RANBP2: variants seen among roughly 807,000 people sequenced by gnomAD.
RANBP2 encodes the protein RAN binding protein 2.
In RANBP2, 57 loss-of-function variants were observed where a neutral mutation model predicts 303.6. The observed-to-expected ratio is 0.19, with a 90% CI of 0.15 to 0.23. The LOEUF (loss-of-function observed/expected upper bound fraction) is 0.23. Ranked by LOEUF, RANBP2 falls within the 10% of genes least tolerant of loss-of-function variation. The pLI is 1.00. For synonymous variants in RANBP2, 1,167 were observed against 1,301.5 expected (o/e 0.90, Z 2.23); for missense variants, 3,138 against 3,780.8 (o/e 0.83, Z 4.46).
At chr2:108,871,088 C>T in the RANBP2 span, among the ~76,000 whole-genome samples, 3 of 151,918 alleles carry the variant, frequency 2.0e-5, no homozygotes, top group East Asian at 1.9e-4. Context: ...ATTTTAGACA[C>T]GTTCCTATGG....
chr2:108,809,330 AT>A, the RANBP2 span, among the ~76,000 whole-genome samples: 1 of 151,902 alleles, frequency 6.6e-6, no homozygotes, highest in South Asian at 2.1e-4. Flanking sequence ...ACAGTTTAGA[AT>A]TTTTTTCTAT....
chr2:108,875,690 T>C, the RANBP2 span, among the ~76,000 whole-genome samples: 9,372 of 152,068 alleles, frequency 0.062, 355 homozygotes, highest in South Asian at 0.15. Flanking sequence ...ACACCCTGTC[T>C]CTACAAAAAA....
At chr2:108,811,201 TCCCTTGCTA>T in the RANBP2 span, among the ~76,000 whole-genome samples, 1 of 149,258 alleles carries the variant, frequency 6.7e-6, no homozygotes, top group African/African-American at 2.5e-5. Flanking sequence ...TTCCCTTCCT[TCCCTTGCTA>T]CTATTTCTTC....
the RANBP2 span, among the ~76,000 whole-genome samples, chr2:109,452,369 G>T: frequency 6.6e-6 from 1 of 152,170 alleles, no homozygotes; most frequent in East Asian, 1.9e-4. Context: ...TATGGCAAAG[G>T]TTTTTTAAAG....
In RANBP2 at chr2:108,743,747, A is replaced by ACCC. The variant is rs1241457693; in HGVS notation, c.976-2964_976-2963insCCC. ...TGCTTTTAAAAAATATTGTGCCTCA[A>ACCC]TGTGGGTGTGCTTTACCTATTGCCA... On this transcript the variant is annotated intron_variant, in intron 7 of 28. Coordinates refer to ENST00000283195, the MANE Select transcript of RANBP2 (RefSeq NM_006267.5). 1.8e-4 allele frequency among the ~76,000 whole-genome samples: 27 copies of ACCC among 152,220 alleles called. No homozygotes were observed. In the South Asian group the frequency reaches 1.9e-3, roughly 10 times the overall value.
At chr2:109,733,239 G>A in the RANBP2 span, 1 of 331,402 alleles carries the variant, frequency 3.0e-6, no homozygotes, top group Non-Finnish European at 6.0e-6. Context: ...ACAATCGAAT[G>A]GAATTTTACC....
the RANBP2 span, among the ~76,000 whole-genome samples, chr2:109,401,721 C>T: frequency 2.0e-5 from 3 of 152,208 alleles, no homozygotes; most frequent in African/African-American, 7.2e-5. Flanking sequence ...GTACAGGATC[C>T]GGTTTCCTCT....
chr2:109,610,763 A>C, the RANBP2 span, among the ~76,000 whole-genome samples: 1 of 152,198 alleles, frequency 6.6e-6, no homozygotes, highest in Non-Finnish European at 1.5e-5. Flanking sequence ...CATGAGTTAG[A>C]AGACTCAACA....
At chr2:109,568,377 T>TC in the RANBP2 span, among the ~76,000 whole-genome samples, 1 of 150,284 alleles carries the variant, frequency 6.7e-6, no homozygotes, top group Non-Finnish European at 1.5e-5. Context: ...CACAATCTTT[T>TC]TTTTTTTTTT....
At chr2:109,398,134 C>T in the RANBP2 span, among the ~76,000 whole-genome samples, 6,968 of 152,284 alleles carry the variant, frequency 0.046, 527 homozygotes, top group African/African-American at 0.16. Context: ...ATTCCAGTCA[C>T]ATGCTTTGAA....
At chr2:109,520,787 C>T in the RANBP2 span, among the ~76,000 whole-genome samples, 8 of 137,408 alleles carry the variant, frequency 5.8e-5, no homozygotes, top group Non-Finnish European at 8.3e-5. Flanking sequence ...AAAAATTAGC[C>T]GGGCGTGGTG....
chr2:109,073,118 A>T, the RANBP2 span, among the ~76,000 whole-genome samples: 944 of 152,340 alleles, frequency 6.2e-3, 14 homozygotes, highest in African/African-American at 0.022. Context: ...GATTTACCAG[A>T]CAAAAAATCA....
At chr2:109,112,997 C>T in the RANBP2 span, among the ~76,000 whole-genome samples, 1 of 152,180 alleles carries the variant, frequency 6.6e-6, no homozygotes, top group African/African-American at 2.4e-5. Context: ...ATCTATATCT[C>T]TGTTTTGGTA....
At chr2:108,815,755 TGCGCCAGGCAGGTTG>T in the RANBP2 span, 10 of 177,316 alleles carry the variant, frequency 5.6e-5, no homozygotes, top group Admixed American at 6.5e-4. Context: ...CTTGAGCCAC[TGCGCCAGGCAGGTTG>T]GGGAGGTTTG....
At chr2:109,311,990 G>C in the RANBP2 span, among the ~76,000 whole-genome samples, 183 of 152,024 alleles carry the variant, frequency 1.2e-3, no homozygotes, top group African/African-American at 4.1e-3. Context: ...GGTGAGGTCG[G>C]CTGCTGCTGG....
the RANBP2 span, among the ~76,000 whole-genome samples, chr2:109,100,115 G>C: frequency 6.6e-6 from 1 of 152,208 alleles, no homozygotes; most frequent in African/African-American, 2.4e-5. Context: ...TTAATAGATA[G>C]TTTACATCTC....
the RANBP2 span, among the ~76,000 whole-genome samples, chr2:109,573,285 C>T: frequency 3.3e-5 from 5 of 152,146 alleles, no homozygotes; most frequent in Non-Finnish European, 4.4e-5. Flanking sequence ...TATTTAGAGC[C>T]GTCCTCCACT....
chr2:108,950,227 T>C, the RANBP2 span, among the ~76,000 whole-genome samples: 3 of 134,726 alleles, frequency 2.2e-5, no homozygotes, highest in Non-Finnish European at 3.3e-5. Context: ...CTCCCTTCCT[T>C]CCTCCCTCCC....
chr2:109,192,162 G>A, the RANBP2 span, among the ~76,000 whole-genome samples: 7 of 152,068 alleles, frequency 4.6e-5, no homozygotes, highest in Admixed American at 1.3e-4. Flanking sequence ...AGAGCGGTTC[G>A]GTTCTACATA....
Sources: gnomAD v4.1 joint callset for allele counts (sites outside exome capture counted in the v4.1 genomes callset) on GRCh38, gnomAD v4.1.1 for gene constraint, MANE v1.5 for transcripts, NCBI Gene and HGNC (gene_info 2026-07-23, HGNC 2026-07-21) for gene names.